The following KALRN variants were observed in gnomAD, a reference collection of about 807,000 sequenced individuals.
The protein encoded by KALRN is kalirin RhoGEF kinase.
KALRN carries 70 observed loss-of-function variants against 353.7 expected under a neutral mutation model. That is an observed-to-expected ratio of 0.20 (90% CI 0.16 to 0.24). The LOEUF (loss-of-function observed/expected upper bound fraction) is 0.24, where lower values mean the gene tolerates loss of function less well. Ranked by LOEUF, KALRN falls within the 10% of genes least tolerant of loss-of-function variation. The pLI is 1.00. For synonymous variants in KALRN, 1,391 were observed against 1,434.8 expected, an observed-to-expected ratio of 0.97 and a Z score of 0.69; for missense variants, 2,791 against 3,756.7, an observed-to-expected ratio of 0.74 and a Z score of 6.72.
chr3:124,207,972 C>T (rs929153059), intron 1 of KALRN, among the ~76,000 whole-genome samples: 5 of 152,182 alleles, frequency 3.3e-5, no homozygotes, highest in Non-Finnish European at 7.3e-5. Flanking sequence ...CTTGGTCTGC[C>T]TGCTGGCTTT....
At chr3:124,512,017 G>A (rs892882336) in intron 33 of KALRN, among the ~76,000 whole-genome samples, 7 of 152,208 alleles carry the variant, frequency 4.6e-5, no homozygotes, top group African/African-American at 1.4e-4. Flanking sequence ...AGCACACTGA[G>A]GTAGAAGTAG....
intron 33 of KALRN, among the ~76,000 whole-genome samples, chr3:124,546,512 AT>A (rs2069684576): frequency 6.6e-6 from 1 of 152,118 alleles, no homozygotes. Flanking sequence ...GACAGTGGTG[AT>A]TTTAACAGTG....
chr3:124,448,927 T>C (rs2058504385), intron 21 of KALRN, among the ~76,000 whole-genome samples: 1 of 152,196 alleles, frequency 6.6e-6, no homozygotes, highest in Non-Finnish European at 1.5e-5. Flanking sequence ...TCCTCATTTA[T>C]ATTTAATATG....
At chr3:124,704,695 G>A (rs936402065) in intron 57 of KALRN, among the ~76,000 whole-genome samples, 1 of 152,074 alleles carries the variant, frequency 6.6e-6, no homozygotes. Context: ...CTACAGGCGT[G>A]AGCCATCACA....
rs374881489 is a variant in KALRN, at chr3:124,507,224, C to G, written c.4935+10811C>G. The stretch of plus-strand genomic sequence containing the variant: ...CCCACCCCACTTCATCCTGCCACCC[C>G]CAAAATGAGAACGGTCACGGTTCTT... On this transcript the variant is annotated intron_variant, in intron 33 of 59. Transcript: ENST00000682506. 2.2e-4 allele frequency among the ~76,000 whole-genome samples: 34 copies of G among 152,250 alleles called. 1 individual carries two copies. The South Asian group carries it at 3.1e-3, about 14-fold the overall frequency.
At chr3:124,279,776 T>A (rs991378405) in intron 5 of KALRN, among the ~76,000 whole-genome samples, 1 of 152,214 alleles carries the variant, frequency 6.6e-6, no homozygotes, top group East Asian at 1.9e-4. Flanking sequence ...CCTGGCCATG[T>A]TGGAGCAGAG....
At chr3:124,606,189 T>C (rs1479921301) in intron 34 of KALRN, among the ~76,000 whole-genome samples, 1 of 152,174 alleles carries the variant, frequency 6.6e-6, no homozygotes, top group Non-Finnish European at 1.5e-5. Flanking sequence ...TAAAATCACA[T>C]TGATTGGAGT....
intron 5 of KALRN, among the ~76,000 whole-genome samples, chr3:124,269,743 A>G (rs1004111960): frequency 3.9e-5 from 6 of 152,236 alleles, no homozygotes; most frequent in Non-Finnish European, 7.3e-5. Context: ...CCACTTTCAC[A>G]CAGTCTTATT....
chr3:124,094,987 A>G (rs2061345952), intron 1 of KALRN: 1 of 1,319,852 alleles, frequency 7.6e-7, no homozygotes, highest in Non-Finnish European at 1.1e-6. Flanking sequence ...GCAGAAAGAC[A>G]CAGCAGAGAG....
At chr3:124,433,333 G>A (rs904779727) in intron 16 of KALRN, among the ~76,000 whole-genome samples, 16 of 151,960 alleles carry the variant, frequency 1.1e-4, no homozygotes, top group Non-Finnish European at 2.2e-4. Flanking sequence ...GTTCTTGCCT[G>A]TAATCCCAGC....
intron 10 of KALRN, among the ~76,000 whole-genome samples, chr3:124,360,252 G>A (rs190677063): frequency 9.2e-4 from 140 of 152,324 alleles, no homozygotes; most frequent in Admixed American, 2.6e-3. Flanking sequence ...CAAAATTGTG[G>A]TTATGGAAAC....
At chr3:124,661,005 T>C (rs1000989746) in intron 44 of KALRN, 32 bp downstream of exon 44, 2 of 1,493,124 alleles carry the variant, frequency 1.3e-6, no homozygotes, top group African/African-American at 2.8e-5. Context: ...CTTGCTGTTC[T>C]TAGGGACCAT....
chr3:124,406,594 A>G (rs1156777052), intron 13 of KALRN, among the ~76,000 whole-genome samples: 1 of 152,190 alleles, frequency 6.6e-6, no homozygotes, highest in African/African-American at 2.4e-5. Flanking sequence ...TAACCCAGGT[A>G]TGTCAATGGC....
At chr3:124,036,120 C>T (rs1373296349) in intron 1 of KALRN, among the ~76,000 whole-genome samples, 1 of 152,086 alleles carries the variant, frequency 6.6e-6, no homozygotes, top group South Asian at 2.1e-4. Flanking sequence ...TATAGATAAA[C>T]TGTGTGTCAC....
intron 57 of KALRN, among the ~76,000 whole-genome samples, chr3:124,707,102 G>A (rs942248307): frequency 3.9e-5 from 6 of 152,074 alleles, no homozygotes; most frequent in Admixed American, 2.0e-4. Flanking sequence ...ACTTTGGGAG[G>A]CTGAGGCAGG....
rs114889129 is a variant in KALRN at position 124,160,474 on chromosome 3, G to A, written c.74-67516G>A. ...TGCTTTTGTGAAAAGTGGATGGGATGTGGGTTTGCTTTTATGTGAGTGAAA... is the reference window on the plus strand; with the variant it reads ...TGCTTTTGTGAAAAGTGGATGGGATATGGGTTTGCTTTTATGTGAGTGAAA... On this transcript the variant is annotated intron_variant, in intron 1 of 59. Coordinates refer to ENST00000682506, the MANE Select transcript of KALRN (RefSeq NM_001388419.1). Among the ~76,000 whole-genome samples, 612 of 152,292 alleles carry A rather than the reference G, an allele frequency of 4.0e-3. 4 individuals are homozygous for A. Among genetic ancestry groups the A allele is most frequent in the African/African-American group, 0.014 (597 of 41,574 alleles).
intron 1 of KALRN, among the ~76,000 whole-genome samples, chr3:124,034,869 AG>A (rs1236041272): frequency 6.6e-6 from 1 of 152,100 alleles, no homozygotes; most frequent in Non-Finnish European, 1.5e-5. Flanking sequence ...GTTGGATTAG[AG>A]GACATGAACT....
intron 1 of KALRN, among the ~76,000 whole-genome samples, chr3:124,115,608 G>A (rs1049608073): frequency 6.6e-6 from 1 of 152,132 alleles, no homozygotes; most frequent in Non-Finnish European, 1.5e-5. Flanking sequence ...TGTTGACCTT[G>A]GCTGTAGAGG....
chr3:124,299,656 A>G (rs2077112880), intron 6 of KALRN, among the ~76,000 whole-genome samples: 1 of 152,326 alleles, frequency 6.6e-6, no homozygotes, highest in Non-Finnish European at 1.5e-5. Flanking sequence ...TAGCTACCAT[A>G]TAAGGTTGTT....
Sources: gnomAD v4.1 joint callset for allele counts (sites outside exome capture counted in the v4.1 genomes callset) on GRCh38, gnomAD v4.1.1 for gene constraint, MANE v1.5 for transcripts, NCBI Gene and HGNC (gene_info 2026-07-23, HGNC 2026-07-21) for gene names.